Variants in KATNBL1 observed in about 807,000 individuals in gnomAD.
The protein encoded by KATNBL1 is katanin regulatory subunit B1 like 1, also known as KATNB1-like protein 1.
KATNBL1 carries 28 observed loss-of-function variants against 44.7 expected under a neutral mutation model. That is an observed-to-expected ratio of 0.63 (90% CI 0.46 to 0.86). The LOEUF (loss-of-function observed/expected upper bound fraction) is 0.86. Ranked by LOEUF, KATNBL1 falls within the 40% of genes least tolerant of loss-of-function variation. KATNBL1 has a pLI of 0.00. For synonymous variants in KATNBL1, 78 were observed against 114.9 expected (o/e 0.68, Z 2.06); for missense variants, 272 against 350.7 (o/e 0.78, Z 1.79).
intron 1 of KATNBL1, among the ~76,000 whole-genome samples, chr15:34,177,336 G>A (rs1477522964): frequency 1.3e-5 from 2 of 152,118 alleles, no homozygotes; most frequent in Admixed American, 6.5e-5. Context: ...TACAATGGCT[G>A]CCAAATCAAA....
At chr15:34,144,436 A>ATATT (rs1888249934) in intron 9 of KATNBL1, among the ~76,000 whole-genome samples, 3 of 150,682 alleles carry the variant, frequency 2.0e-5, no homozygotes, top group Non-Finnish European at 3.0e-5. Context: ...ATATATATAT[A>ATATT]TTTTTAAAAC....
intron 2 of KATNBL1, among the ~76,000 whole-genome samples, chr15:34,158,569 T>G (rs904601803): frequency 3.3e-5 from 5 of 152,040 alleles, no homozygotes; most frequent in Non-Finnish European, 5.9e-5. Flanking sequence ...AATACTTGAG[T>G]GATTAATTCT....
intron 2 of KATNBL1, among the ~76,000 whole-genome samples, chr15:34,158,911 A>T (rs750888920): frequency 6.6e-6 from 1 of 152,210 alleles, no homozygotes; most frequent in East Asian, 1.9e-4. Context: ...GTCTGACTTT[A>T]GTATGACAAT....
chr15:34,163,345 G>A lies in KATNBL1; in HGVS notation c.117+215C>T, dbSNP rs113028354. 7.2e-5 allele frequency among the ~76,000 whole-genome samples: 11 copies of A among 151,964 alleles called. 1 individual carries two copies. The highest frequency in any genetic ancestry group is 3.4e-3 in the Middle Eastern group (1 of 292). ...AGGCATAAGCCACCATGCCCAGCCC[G>A]ATTAAAAACCTTTTAGAGCTTATAG... On this transcript the variant is annotated intron_variant, in intron 2 of 9. Coordinates refer to ENST00000256544, the MANE Select transcript of KATNBL1 (RefSeq NM_024713.3).
At chr15:34,193,851 C>CAAAAAAAAA (rs58951561) in intron 1 of KATNBL1, among the ~76,000 whole-genome samples, 976 of 63,438 alleles carry the variant, frequency 0.015, 100 homozygotes, top group East Asian at 0.033. Flanking sequence ...GGCCCTGTCT[C>CAAAAAAAAA]AAAAAAAAAA....
intron 1 of KATNBL1, among the ~76,000 whole-genome samples, chr15:34,200,231 T>C (rs763985118): frequency 6.6e-5 from 10 of 152,024 alleles, no homozygotes; most frequent in Non-Finnish European, 2.9e-5. Flanking sequence ...TGAATGATGA[T>C]TCATCACACC....
chr15:34,182,563 G>C (rs1011237842), intron 1 of KATNBL1, among the ~76,000 whole-genome samples: 1 of 152,020 alleles, frequency 6.6e-6, no homozygotes, highest in Non-Finnish European at 1.5e-5. Context: ...AATCAGATCA[G>C]TCCCACGAAT....
intron 1 of KATNBL1, among the ~76,000 whole-genome samples, chr15:34,174,273 T>C (rs1033039098): frequency 2.0e-5 from 3 of 152,218 alleles, no homozygotes; most frequent in Admixed American, 1.3e-4. Context: ...ATATGTATAA[T>C]GTAATAACTA....
At chr15:34,201,093 G>T (rs144843117) in intron 1 of KATNBL1, among the ~76,000 whole-genome samples, 3,517 of 152,258 alleles carry the variant, frequency 0.023, 78 homozygotes, top group South Asian at 0.045. Flanking sequence ...GGGATTACAG[G>T]CTTGAGCCAC....
chr15:34,170,475 A>G (rs1253332123), intron 1 of KATNBL1, among the ~76,000 whole-genome samples: 2 of 152,056 alleles, frequency 1.3e-5, no homozygotes, highest in South Asian at 4.1e-4. Flanking sequence ...ATGCTCATGG[A>G]TAGGAAGAAT....
intron 3 of KATNBL1, 131 bp downstream of exon 3, chr15:34,154,513 C>G: frequency 1.5e-6 from 1 of 687,934 alleles, no homozygotes. Context: ...AGTGCAGATA[C>G]TGGCATAAAG....
In KATNBL1 at chr15:34,155,193, G is replaced by T. The variant is rs552348056; in HGVS notation, c.118-509C>A. Among the ~76,000 whole-genome samples the T allele has an allele frequency of 1.1e-4, 16 of 152,276 alleles. No homozygotes were observed. The East Asian group carries it at 3.1e-3, about 29-fold the overall frequency. On this transcript the variant is annotated intron_variant, in intron 2 of 9. Coordinates refer to ENST00000256544, the MANE Select transcript of KATNBL1 (RefSeq NM_024713.3). ...GAAAGCTGAACATACTGACATACTG[G>T]TTCCCAGAGGAACTCAGAACTCACT...
chr15:34,180,911 C>CA (rs1182112648), intron 1 of KATNBL1, among the ~76,000 whole-genome samples: 1 of 152,024 alleles, frequency 6.6e-6, no homozygotes, highest in Non-Finnish European at 1.5e-5. Flanking sequence ...AAAACCAAAC[C>CA]AAAGCAAAAC....
chr15:34,181,842 A>C lies in KATNBL1; in HGVS notation c.-14-18152T>G, dbSNP rs55665432. ...TGTCCATATATATCCATATATATAC[A>C]CATATATATAGTCCATATATATATA... is the stretch of plus-strand genomic sequence containing the variant. On this transcript the variant is annotated intron_variant, in intron 1 of 9. Coordinates refer to ENST00000256544, the MANE Select transcript of KATNBL1 (RefSeq NM_024713.3). Among the ~76,000 whole-genome samples the C allele has an allele frequency of 1.3e-3, 53 of 41,430 alleles. 1 individual carries two copies. The highest frequency in any genetic ancestry group is 4.8e-3 in the African/African-American group (52 of 10,898). The allele number at this position is 41,430 out of a possible 152,430, so 27.2% of individuals were successfully genotyped here. A position where few individuals can be genotyped will look rare whatever the true frequency, so the allele number is the denominator to read the frequency against.
At chr15:34,179,378 G>A (rs1889449589) in intron 1 of KATNBL1, among the ~76,000 whole-genome samples, 1 of 152,290 alleles carries the variant, frequency 6.6e-6, no homozygotes. Context: ...ATCTATTCAT[G>A]ACAGAGCCCT....
At chr15:34,200,966 A>C (rs2141002561) in intron 1 of KATNBL1, among the ~76,000 whole-genome samples, 1 of 152,156 alleles carries the variant, frequency 6.6e-6, no homozygotes, top group South Asian at 2.1e-4. Flanking sequence ...ACAGGTGCAC[A>C]CCACCACACC....
chr15:34,145,653 TAAAA>T lies in KATNBL1; in HGVS notation c.789-166_789-163del, dbSNP rs146687820. The T allele has an allele frequency of 9.6e-4, 559 of 581,158 alleles. 3 individuals carry two copies. The African/African-American group carries it at 9.9e-3, about 10-fold the overall frequency. The allele number at this position is 581,158 out of a possible 1,614,324, so 36.0% of individuals were successfully genotyped here. ...AACATTTGGGAACGTGGAGAGAAAT[TAAAA>T]AAAAATCAAATAACTTTTAGAATAA... On this transcript the variant is annotated intron_variant, in intron 8 of 9. Coordinates refer to ENST00000256544, the MANE Select transcript of KATNBL1 (RefSeq NM_024713.3).
At chr15:34,154,172 C>T (rs1888567264) in intron 3 of KATNBL1, among the ~76,000 whole-genome samples, 1 of 152,120 alleles carries the variant, frequency 6.6e-6, no homozygotes, top group Admixed American at 6.5e-5. Context: ...TACCCTCAAA[C>T]AAGAGAATGA....
At position 34,193,561 on chromosome 15, in the gene KATNBL1, T is replaced by A. The variant is rs117453116; in HGVS notation, c.-15+16390A>T. ...AAAAATAAATTAATTAATTAAAATA[T>A]CACCAGTAGGCTGGGCATGATAACT... On this transcript the variant is annotated intron_variant, in intron 1 of 9. Coordinates refer to ENST00000256544, the MANE Select transcript of KATNBL1 (RefSeq NM_024713.3). Among the ~76,000 whole-genome samples, 24 of 151,982 alleles carry A rather than the reference T, an allele frequency of 1.6e-4. 2 individuals are homozygous for A. In the East Asian group the frequency reaches 3.7e-3, roughly 23 times the overall value.
Sources: gnomAD v4.1 joint callset for allele counts (sites outside exome capture counted in the v4.1 genomes callset) on GRCh38, gnomAD v4.1.1 for gene constraint, MANE v1.5 for transcripts, NCBI Gene and HGNC (gene_info 2026-07-23, HGNC 2026-07-21) for gene names.